COMMD6: variants seen among roughly 807,000 people sequenced by gnomAD.
COMMD6 encodes COMM domain containing 6, also known as COMM domain-containing protein 6.
A neutral mutation model predicts 13.4 loss-of-function variants in COMMD6; 11 were observed. That is an observed-to-expected ratio of 0.82 (90% CI 0.52 to 1.36). COMMD6 has a LOEUF of 1.36. COMMD6 is among the 40% of genes most tolerant of loss of function. COMMD6 has a pLI of 0.00. For missense variants in COMMD6, 124 were observed against 102.4 expected (o/e 1.21, Z -0.91); for synonymous variants, 43 against 36.5 (o/e 1.18, Z -0.64).
chr13:75,544,730 T>G (rs2030876833), intron 1 of COMMD6, among the ~76,000 whole-genome samples: 1 of 151,902 alleles, frequency 6.6e-6, no homozygotes, highest in Admixed American at 6.6e-5. Context: ...GCTACTGCAC[T>G]CCTAGGCAAC....
At position 75,530,216 on chromosome 13, in the gene COMMD6, G is replaced by C. The variant is rs1063482; in HGVS notation, c.105C>G (p.Cys35Trp). ...CAACGTAAGGATACTTAAGAGATCT[G>C]CAAGTGTCTGAGCTCACAGCCATAC... is the stretch of plus-strand genomic sequence containing the variant. ...KLGMAVSSDT[C>W]RSLKYPYVAV... The change falls in exon 3 of 4, where the codon TGC becomes TGG. Residue 35 changes from cysteine to tryptophan, a missense_variant. Physicochemically the swap from Cys to Trp is radical, Grantham distance 215. Transcript: ENST00000682242. 14 of 1,613,582 alleles carry C rather than the reference G, an allele frequency of 8.7e-6. No homozygotes were observed. The highest frequency in any genetic ancestry group is 6.7e-5 in the East Asian group (3 of 44,862).
In COMMD6 at chr13:75,537,788, C is replaced by T; in HGVS notation, c.18G>A (p.Glu6=). ...CATCGGACTTAGCATCCAGCGGCGG[C>T]TCGCTGGACGCCTCCATGGGCAGCG... MEASS[E]PPLDAKSDVT... Residue 6 remains glutamate (E), a synonymous_variant, in exon 1 of 4, where the codon GAG becomes GAA. Transcript: ENST00000682242. 6.2e-7 allele frequency: 1 copy of T among 1,610,918 alleles called. No individual in the cohort carries two copies. The highest frequency in any genetic ancestry group is 1.1e-5 in the South Asian group (1 of 90,926).
At chr13:75,545,113 G>T (rs1334018450) in intron 1 of COMMD6, among the ~76,000 whole-genome samples, 3 of 152,220 alleles carry the variant, frequency 2.0e-5, no homozygotes, top group Admixed American at 6.5e-5. Flanking sequence ...AGGAATGATA[G>T]TTTGGCAATA....
In COMMD6 at chr13:75,537,795, G is replaced by A; in HGVS notation, c.11C>T (p.Ser4Phe). 1.2e-6 allele frequency: 2 copies of A among 1,610,084 alleles called. No individual in the cohort carries two copies. Among genetic ancestry groups the A allele is most frequent in the Non-Finnish European group, 1.7e-6 (2 of 1,177,300 alleles). MEASSEPPLDAKSD... is the reference protein window; with the variant it reads MEAFSEPPLDAKSD... ...CTTAGCATCCAGCGGCGGCTCGCTG[G>A]ACGCCTCCATGGGCAGCGTCTGGGA... Residue 4 changes from serine (S) to phenylalanine (F), a missense_variant, in exon 1 of 4, where the codon TCC becomes TTC. Transcript: ENST00000682242.
Position 75,526,642 on chromosome 13 carries a change from GGA to G in COMMD6, c.208-5_208-4del. On this transcript the variant is annotated splice_region_variant and splice_polypyrimidine_tract_variant and intron_variant, in intron 3 of 3. Coordinates refer to ENST00000682242, the MANE Select transcript of COMMD6 (RefSeq NM_203495.4). ...TCCTTGAACTGTCTGTAGAAATTCT[GGA>G]GAGAAAGGGGGAAAATAATATTAAT... 6.3e-7 allele frequency: 1 copy of G among 1,592,798 alleles called. No individual in the cohort carries two copies. The highest frequency in any genetic ancestry group is 8.6e-7 in the Non-Finnish European group (1 of 1,164,596).
upstream of COMMD6, chr13:75,537,893 G>GC: frequency 1.5e-6 from 2 of 1,370,938 alleles, no homozygotes; most frequent in Non-Finnish European, 2.0e-6. Flanking sequence ...TAGCGGCCTG[G>GC]CGCATGGGGC....
chr13:75,541,204 G>C (rs766900246), upstream of COMMD6, among the ~76,000 whole-genome samples: 2 of 152,144 alleles, frequency 1.3e-5, no homozygotes, highest in Admixed American at 6.6e-5. Flanking sequence ...TGTTGTTCAA[G>C]GGTCAACTGA....
chr13:75,531,195 T>C (rs576828171), intron 2 of COMMD6, among the ~76,000 whole-genome samples: 28 of 152,296 alleles, frequency 1.8e-4, no homozygotes, highest in Middle Eastern at 6.8e-3. Flanking sequence ...TCCCACCACG[T>C]ATCCTACCAC....
intron 2 of COMMD6, among the ~76,000 whole-genome samples, chr13:75,535,084 C>T (rs868150840): frequency 1.4e-4 from 21 of 152,084 alleles, no homozygotes; most frequent in South Asian, 1.0e-3. Flanking sequence ...TAACCTGGGA[C>T]GACCTCTTTC....
chr13:75,530,402 A>G (rs756808333), intron 2 of COMMD6, 136 bp from the exon 3 acceptor site: 9 of 597,778 alleles, frequency 1.5e-5, no homozygotes, highest in Non-Finnish European at 2.3e-5. Context: ...TCTTCATTTT[A>G]ATACTGCTAG....
At chr13:75,545,748 G>T (rs2138431552) in intron 1 of COMMD6, among the ~76,000 whole-genome samples, 1 of 152,204 alleles carries the variant, frequency 6.6e-6, no homozygotes, top group African/African-American at 2.4e-5. Flanking sequence ...TGGGATTACA[G>T]GTGTCAGCCA....
chr13:75,546,112 A>T (rs1474948896), intron 1 of COMMD6, among the ~76,000 whole-genome samples: 2 of 152,244 alleles, frequency 1.3e-5, no homozygotes, highest in Non-Finnish European at 2.9e-5. Flanking sequence ...TTCAATATAT[A>T]TACCTACCAA....
At chr13:75,543,455 T>G (rs1398216996), upstream of COMMD6, among the ~76,000 whole-genome samples, 2 of 152,244 alleles carry the variant, frequency 1.3e-5, no homozygotes, top group African/African-American at 4.8e-5. Context: ...GAGCCCCATT[T>G]CAGACTTTTG....
At chr13:75,534,996 A>G (rs1251447686) in intron 2 of COMMD6, among the ~76,000 whole-genome samples, 1 of 152,252 alleles carries the variant, frequency 6.6e-6, no homozygotes, top group Non-Finnish European at 1.5e-5. Flanking sequence ...ATAAACAAAA[A>G]TATAATGTAA....
chr13:75,547,102 G>C (rs776454310), intron 1 of COMMD6, among the ~76,000 whole-genome samples: 2 of 152,164 alleles, frequency 1.3e-5, no homozygotes, highest in Non-Finnish European at 2.9e-5. Context: ...TATTTTCTCT[G>C]TAAGGCACAT....
intron 3 of COMMD6, among the ~76,000 whole-genome samples, chr13:75,526,897 C>A (rs1475376146): frequency 6.6e-6 from 1 of 152,038 alleles, no homozygotes. Context: ...TAAGATCACA[C>A]CAGATTTATT....
intron 2 of COMMD6, among the ~76,000 whole-genome samples, chr13:75,532,128 G>A (rs935115247): frequency 2.0e-5 from 3 of 152,238 alleles, no homozygotes; most frequent in African/African-American, 7.2e-5. Context: ...TTGGGGTGGA[G>A]AGAAGTGGGC....
chr13:75,531,064 C>T (rs973966043), intron 2 of COMMD6, among the ~76,000 whole-genome samples: 1 of 152,178 alleles, frequency 6.6e-6, no homozygotes, highest in Non-Finnish European at 1.5e-5. Flanking sequence ...TGGTACATAG[C>T]AGCCACTCAA....
intron 3 of COMMD6, chr13:75,527,973 T>C (rs1332359339): frequency 1.7e-6 from 2 of 1,200,328 alleles, no homozygotes; most frequent in African/African-American, 3.1e-5. Context: ...TACTTGAAAT[T>C]TGCTAAAAAA....
Sources: gnomAD v4.1 joint callset for allele counts (sites outside exome capture counted in the v4.1 genomes callset) on GRCh38, gnomAD v4.1.1 for gene constraint, MANE v1.5 for transcripts, NCBI Gene and HGNC (gene_info 2026-07-23, HGNC 2026-07-21) for gene names.